Variants in CFAP299 observed in about 807,000 individuals in gnomAD.
CFAP299 encodes cilia- and flagella-associated protein 299.
CFAP299 carries 21 observed loss-of-function variants against 27.0 expected under a neutral mutation model. The ratio of observed to expected loss-of-function variants is 0.78; its 90% CI spans 0.55 to 1.12. CFAP299 has a LOEUF of 1.12. CFAP299 is among the 50% of genes most tolerant of loss of function. The probability of loss-of-function intolerance (pLI) is 0.00; values close to 1 mark genes in which losing one functional copy is unlikely to be tolerated. For missense variants in CFAP299, 310 were observed against 276.6 expected (o/e 1.12, Z -0.86); for synonymous variants, 104 against 98.1 (o/e 1.06, Z -0.36).
At chr4:80,913,680 T>C (rs576314516) in intron 4 of CFAP299, among the ~76,000 whole-genome samples, 2 of 152,330 alleles carry the variant, frequency 1.3e-5, no homozygotes, top group South Asian at 4.1e-4. Context: ...AGTTTCTTTT[T>C]AGTTTGGTCA....
rs577088754 is a variant in CFAP299 at position 80,505,893 on chromosome 4, A to T, written c.243-77200A>T. Among the ~76,000 whole-genome samples the T allele has an allele frequency of 2.0e-5, 3 of 152,116 alleles. No individual in the cohort carries two copies. The East Asian group carries it at 5.8e-4, about 29-fold the overall frequency. On this transcript the variant is annotated intron_variant, in intron 2 of 5. Transcript: ENST00000358105. ...AGGATTTCTTGAGGTCAGGAGCTGG[A>T]GGCTGCAGTGCTCTATGATTATGGC...
chr4:80,402,410 A>G (rs1726209382), intron 2 of CFAP299, among the ~76,000 whole-genome samples: 1 of 152,138 alleles, frequency 6.6e-6, no homozygotes. Context: ...TGCTATTCTC[A>G]TGATAGCGAA....
intron 2 of CFAP299, among the ~76,000 whole-genome samples, chr4:80,487,465 G>T (rs1016322459): frequency 6.6e-6 from 1 of 152,146 alleles, no homozygotes; most frequent in Non-Finnish European, 1.5e-5. Context: ...TCTCCAAAAG[G>T]CAACTTGGGG....
At chr4:80,539,159 G>C (rs945133126) in intron 2 of CFAP299, among the ~76,000 whole-genome samples, 1 of 152,118 alleles carries the variant, frequency 6.6e-6, no homozygotes, top group African/African-American at 2.4e-5. Flanking sequence ...TACAACATTT[G>C]GAATACCCAC....
At chr4:80,951,880 C>T (rs1737796608) in intron 5 of CFAP299, among the ~76,000 whole-genome samples, 1 of 152,150 alleles carries the variant, frequency 6.6e-6, no homozygotes, top group Non-Finnish European at 1.5e-5. Context: ...GACTAGAAAG[C>T]ACAGACCATA....
intron 2 of CFAP299, among the ~76,000 whole-genome samples, chr4:80,573,143 A>G (rs1377876686): frequency 5.3e-5 from 8 of 152,028 alleles, no homozygotes; most frequent in Non-Finnish European, 8.8e-5. Flanking sequence ...GTTATTGCCT[A>G]TATTTTGGAT....
chr4:80,763,377 C>A (rs1157267780), intron 3 of CFAP299, among the ~76,000 whole-genome samples: 2 of 152,050 alleles, frequency 1.3e-5, no homozygotes, highest in African/African-American at 4.8e-5. Context: ...AAATAAAATA[C>A]CTAGAAACAC....
intron 2 of CFAP299, among the ~76,000 whole-genome samples, chr4:80,496,174 A>G (rs1019601697): frequency 6.6e-6 from 1 of 152,098 alleles, no homozygotes; most frequent in African/African-American, 2.4e-5. Context: ...TTTCTCTACC[A>G]CATGGCCAGG....
At chr4:80,373,168 A>G (rs1056015997) in intron 2 of CFAP299, among the ~76,000 whole-genome samples, 1 of 152,082 alleles carries the variant, frequency 6.6e-6, no homozygotes, top group Non-Finnish European at 1.5e-5. Flanking sequence ...CCTAACCCCA[A>G]GGGTTAGGAT....
intron 2 of CFAP299, among the ~76,000 whole-genome samples, chr4:80,539,621 G>A (rs1006995270): frequency 9.9e-5 from 15 of 152,124 alleles, no homozygotes; most frequent in African/African-American, 3.6e-4. Context: ...AGTGGGTATG[G>A]AGTTGGAATT....
At chr4:80,922,546 C>A (rs1351267356) in intron 4 of CFAP299, among the ~76,000 whole-genome samples, 2 of 152,020 alleles carry the variant, frequency 1.3e-5, no homozygotes, top group Non-Finnish European at 2.9e-5. Flanking sequence ...CCAACATTTT[C>A]ATGTAACCTT....
Position 80,799,578 on chromosome 4 carries a change from TA to T in CFAP299, c.334-70411del, listed in dbSNP as rs1237908965. ...TATATTTAATAAATATATATATTTA[TA>T]AAATATATTATATAAAATATATATT... is the stretch of plus-strand genomic sequence containing the variant. On this transcript the variant is annotated intron_variant, in intron 3 of 5. Transcript: ENST00000358105. Among the ~76,000 whole-genome samples the T allele has an allele frequency of 9.7e-3, 686 of 70,802 alleles. 37 individuals carry two copies. Among genetic ancestry groups the T allele is most frequent in the South Asian group, 0.029 (56 of 1,960 alleles). 46.4% of individuals were successfully genotyped at this position (70,802 alleles called of 152,430 possible). A position where few individuals can be genotyped will look rare whatever the true frequency, so the allele number is the denominator to read the frequency against.
chr4:80,855,869 G>C (rs971123583), intron 3 of CFAP299, among the ~76,000 whole-genome samples: 2 of 151,566 alleles, frequency 1.3e-5, no homozygotes, highest in Non-Finnish European at 2.9e-5. Flanking sequence ...ATAAACATAC[G>C]TGTGCATGTG....
intron 2 of CFAP299, among the ~76,000 whole-genome samples, chr4:80,442,908 C>A (rs1728430752): frequency 6.6e-6 from 1 of 152,152 alleles, no homozygotes; most frequent in Non-Finnish European, 1.5e-5. Flanking sequence ...ACTATAAACA[C>A]CTCTAAACAA....
chr4:80,336,004 G>C, intron 1 of CFAP299, 125 bp downstream of exon 1: 1 of 652,002 alleles, frequency 1.5e-6, no homozygotes, highest in Admixed American at 2.7e-5. Context: ...CGCGGTTTCG[G>C]GACCGCGACA....
At chr4:80,823,853 G>A (rs1287213267) in intron 3 of CFAP299, among the ~76,000 whole-genome samples, 1 of 152,148 alleles carries the variant, frequency 6.6e-6, no homozygotes, top group Non-Finnish European at 1.5e-5. Context: ...TATAGAATTA[G>A]TATTTGAGTA....
At chr4:80,354,102 G>A (rs780074181) in intron 1 of CFAP299, among the ~76,000 whole-genome samples, 2 of 151,942 alleles carry the variant, frequency 1.3e-5, no homozygotes, top group African/African-American at 4.8e-5. Context: ...ATGAGCAAAG[G>A]GTTCATTTAA....
intron 2 of CFAP299, among the ~76,000 whole-genome samples, chr4:80,541,474 G>T (rs1305245653): frequency 1.3e-5 from 2 of 152,174 alleles, no homozygotes; most frequent in Non-Finnish European, 2.9e-5. Flanking sequence ...TTTTATATAG[G>T]ATTATTTGGT....
chr4:80,886,078 C>T (rs6833772), intron 4 of CFAP299, among the ~76,000 whole-genome samples: 27,980 of 151,954 alleles, frequency 0.18, 5,015 homozygotes, highest in African/African-American at 0.46. Context: ...GAACACCCCA[C>T]GGACTAGTGG....
Sources: gnomAD v4.1 joint callset for allele counts (sites outside exome capture counted in the v4.1 genomes callset) on GRCh38, gnomAD v4.1.1 for gene constraint, MANE v1.5 for transcripts, NCBI Gene and HGNC (gene_info 2026-07-23, HGNC 2026-07-21) for gene names.